PM20D2: variants seen among roughly 807,000 people sequenced by gnomAD.
PM20D2 encodes peptidase M20 domain containing 2.
Under a neutral mutation model 42.9 loss-of-function variants are expected in PM20D2, and 33 were observed. The ratio of observed to expected loss-of-function variants is 0.77; its 90% CI spans 0.58 to 1.03. The LOEUF (loss-of-function observed/expected upper bound fraction) is 1.03. Ranked by LOEUF, PM20D2 falls within the 50% of genes least tolerant of loss-of-function variation. The pLI is 0.00. For synonymous variants in PM20D2, 250 were observed against 228.2 expected (o/e 1.10, Z -0.86); for missense variants, 548 against 557.0 (o/e 0.98, Z 0.16).
intron 4 of PM20D2, among the ~76,000 whole-genome samples, chr6:89,155,550 A>G (rs1771015640): frequency 6.6e-6 from 1 of 151,944 alleles, no homozygotes; most frequent in African/African-American, 2.4e-5. Flanking sequence ...TCGGCCTTCT[A>G]AAGTGCTGGG....
At chr6:89,117,688 A>T in the PM20D2 span, 1 of 842,888 alleles carries the variant, frequency 1.2e-6, no homozygotes, top group South Asian at 2.5e-5. Flanking sequence ...CACCTCCCCA[A>T]GTGGCGCAGC....
chr6:89,139,742 A>C, the PM20D2 span, among the ~76,000 whole-genome samples: 6 of 152,166 alleles, frequency 3.9e-5, no homozygotes, highest in Non-Finnish European at 8.8e-5. Flanking sequence ...GTGGGGCCCC[A>C]GCTGGAGTGG....
the PM20D2 span, among the ~76,000 whole-genome samples, chr6:89,099,642 T>C: frequency 6.6e-6 from 1 of 151,756 alleles, no homozygotes; most frequent in Non-Finnish European, 1.5e-5. Flanking sequence ...TTTGAGCAAT[T>C]CTTCTCTCTC....
At position 89,162,148 on chromosome 6, in the gene PM20D2, A is replaced by C; in HGVS notation, c.1196A>C (p.Lys399Thr). The change falls in exon 7 of 7, where the codon AAA becomes ACA. Residue 399 changes from lysine (K) to threonine (T), a missense_variant. Physicochemically the swap from Lys to Thr is moderately conservative, Grantham distance 78. Coordinates refer to ENST00000275072, the MANE Select transcript of PM20D2 (RefSeq NM_001010853.3). ...CAGTTCTACACTCTGCGGACGGCCA[A>C]AGCTCTGGCAATGACGGCACTGGAT... is the stretch of plus-strand genomic sequence containing the variant. ...EAQFYTLRTA[K>T]ALAMTALDVI... The C allele has an allele frequency of 6.2e-7, 1 of 1,614,180 alleles. No individual in the cohort carries two copies.
At chr6:89,099,538 GTTTT>G in the PM20D2 span, among the ~76,000 whole-genome samples, 1 of 126,204 alleles carries the variant, frequency 7.9e-6, no homozygotes, top group South Asian at 2.4e-4. Flanking sequence ...ACACATACAT[GTTTT>G]TTTTTTTTTT....
the PM20D2 span, chr6:89,095,883 A>G: frequency 6.6e-6 from 1 of 152,240 alleles, no homozygotes; most frequent in African/African-American, 2.4e-5. Context: ...AATAAATGGT[A>G]GGTAGTACCC....
At chr6:89,121,509 G>C in the PM20D2 span, among the ~76,000 whole-genome samples, 1 of 152,100 alleles carries the variant, frequency 6.6e-6, no homozygotes, top group South Asian at 2.1e-4. Context: ...AAAGGCTTAG[G>C]TCAAGAGTAA....
At chr6:89,154,935 A>G (rs760611982) in intron 4 of PM20D2, 33 bp downstream of exon 4, 7 of 1,534,448 alleles carry the variant, frequency 4.6e-6, no homozygotes, top group African/African-American at 1.4e-5. Context: ...CTAAGTTACA[A>G]TCAGAGGTAT....
chr6:89,147,077 C>G lies in PM20D2; in HGVS notation c.465+468C>G, dbSNP rs181338198. ...TGTGGCAGTCCTAGAAAATGTGATT[C>G]AAGTCATTGGTATTTGGATAGGAAT... On this transcript the variant is annotated intron_variant, in intron 1 of 6. Transcript: ENST00000275072. Among the ~76,000 whole-genome samples, 43 of 152,272 alleles carry G rather than the reference C, an allele frequency of 2.8e-4. 1 individual carries two copies.
chr6:89,161,172 T>C (rs1173421818), intron 5 of PM20D2, among the ~76,000 whole-genome samples: 1 of 152,098 alleles, frequency 6.6e-6, no homozygotes, highest in Non-Finnish European at 1.5e-5. Flanking sequence ...AAGAGAAAGA[T>C]CATGAGTTTG....
At chr6:89,152,114 CA>C (rs1770868202) in intron 2 of PM20D2, among the ~76,000 whole-genome samples, 1 of 151,704 alleles carries the variant, frequency 6.6e-6, no homozygotes, top group Non-Finnish European at 1.5e-5. Flanking sequence ...AAATTCATTT[CA>C]AGGTCATGGT....
the PM20D2 span, among the ~76,000 whole-genome samples, chr6:89,136,415 C>T: frequency 1.3e-5 from 2 of 151,314 alleles, no homozygotes; most frequent in Admixed American, 6.6e-5. Flanking sequence ...CAGTGGCTCA[C>T]GCCTGTAATC....
At chr6:89,123,585 G>C in the PM20D2 span, among the ~76,000 whole-genome samples, 1 of 151,770 alleles carries the variant, frequency 6.6e-6, no homozygotes, top group African/African-American at 2.4e-5. Context: ...AGCTGGGCAT[G>C]GTGGTGTGTG....
chr6:89,151,588 T>A (rs1424119469), intron 2 of PM20D2, among the ~76,000 whole-genome samples: 1 of 152,186 alleles, frequency 6.6e-6, no homozygotes, highest in Non-Finnish European at 1.5e-5. Flanking sequence ...AATCCAGTCC[T>A]TTTTCTAGAG....
the PM20D2 span, among the ~76,000 whole-genome samples, chr6:89,102,682 T>C: frequency 6.6e-6 from 1 of 152,208 alleles, no homozygotes; most frequent in Non-Finnish European, 1.5e-5. Flanking sequence ...TTTAGAGTTC[T>C]AACATACACA....
the PM20D2 span, chr6:89,107,083 C>T: frequency 1.6e-6 from 2 of 1,286,464 alleles, no homozygotes; most frequent in East Asian, 4.6e-5. Context: ...ATAACATATG[C>T]TACTGAATAC....
the PM20D2 span, among the ~76,000 whole-genome samples, chr6:89,111,622 A>AT: frequency 7.2e-5 from 11 of 151,872 alleles, no homozygotes; most frequent in South Asian, 1.0e-3. Context: ...CAATTTTTGT[A>AT]TTTTATATCT....
chr6:89,105,756 CA>C, the PM20D2 span: 1 of 296,418 alleles, frequency 3.4e-6, no homozygotes, highest in Middle Eastern at 1.0e-3. Flanking sequence ...AAGAACAAAA[CA>C]AACATGTAAC....
At chr6:89,146,019 G>A, upstream of PM20D2, 8 of 815,846 alleles carry the variant, frequency 9.8e-6, no homozygotes, top group Non-Finnish European at 1.4e-5. Flanking sequence ...TGGTGCCCTG[G>A]GAGCTGTGTG....
Sources: allele counts gnomAD v4.1 joint callset (sites outside exome capture counted in the v4.1 genomes callset), GRCh38; gene constraint gnomAD v4.1.1; transcripts MANE v1.5; gene names NCBI Gene and HGNC (gene_info 2026-07-23, HGNC 2026-07-21).